The following SLC25A13 variants were observed in gnomAD, a reference collection of about 807,000 sequenced individuals.
The protein encoded by SLC25A13 is electrogenic aspartate/glutamate antiporter SLC25A13, mitochondrial.
SLC25A13 carries 70 observed loss-of-function variants against 85.5 expected under a neutral mutation model. That is an observed-to-expected ratio of 0.82 (90% CI 0.68 to 1.00). The LOEUF (loss-of-function observed/expected upper bound fraction) is 1.00. Among genes scored for constraint, SLC25A13 ranks in the 50% least tolerant of loss-of-function variants. The pLI is 0.00. For synonymous variants in SLC25A13, 259 were observed against 288.7 expected, an observed-to-expected ratio of 0.90 and a Z score of 1.04; for missense variants, 765 against 819.8, an observed-to-expected ratio of 0.93 and a Z score of 0.82.
Position 96,129,159 on chromosome 7 carries a change from G to T in SLC25A13, c.1591+2584C>A, listed in dbSNP as rs1430766994. Among the ~76,000 whole-genome samples the T allele has an allele frequency of 2.0e-5, 3 of 152,122 alleles. 1 individual carries two copies. Among genetic ancestry groups the T allele is most frequent in the Admixed American group, 2.0e-4 (3 of 15,270 alleles). On this transcript the variant is annotated intron_variant, in intron 15 of 17. Transcript: ENST00000265631. ...GCTGCTACTGTGACTGCAACTTCATGATAGACCTGGTGCCAGAGGCACCCA... is the reference window on the plus strand; with the variant it reads ...GCTGCTACTGTGACTGCAACTTCATTATAGACCTGGTGCCAGAGGCACCCA...
At chr7:96,179,578 T>C (rs1794344177) in intron 11 of SLC25A13, among the ~76,000 whole-genome samples, 1 of 152,238 alleles carries the variant, frequency 6.6e-6, no homozygotes, top group Non-Finnish European at 1.5e-5. Flanking sequence ...ACCCAACAAA[T>C]GATCTGTTGA....
chr7:96,321,126 T>C lies in SLC25A13; in HGVS notation c.15+816A>G, dbSNP rs549896110. On this transcript the variant is annotated intron_variant, in intron 1 of 17. Transcript: ENST00000265631. ...GAAATGCAGTCCAAAGAGACTGAAA[T>C]GGTGTCCAGGTTTCAAGAAATGGTG... Among the ~76,000 whole-genome samples the C allele has an allele frequency of 3.3e-5, 5 of 152,312 alleles. No individual in the cohort carries two copies. In the South Asian group the frequency reaches 1.0e-3, roughly 32 times the overall value.
chr7:96,140,560 T>A (rs141158667), intron 14 of SLC25A13, among the ~76,000 whole-genome samples: 1,936 of 151,262 alleles, frequency 0.013, 36 homozygotes, highest in African/African-American at 0.044. Flanking sequence ...ACGTCCACCA[T>A]ACCCGGCTAA....
At chr7:96,203,414 A>G (rs968545008) in intron 5 of SLC25A13, among the ~76,000 whole-genome samples, 2 of 152,190 alleles carry the variant, frequency 1.3e-5, no homozygotes, top group African/African-American at 4.8e-5. Flanking sequence ...AAAAACTGCC[A>G]GAGATTTAGA....
intron 2 of SLC25A13, among the ~76,000 whole-genome samples, chr7:96,291,123 A>T (rs1462240631): frequency 6.6e-6 from 1 of 152,138 alleles, no homozygotes; most frequent in African/African-American, 2.4e-5. Flanking sequence ...GGATTAAGAA[A>T]CTCACTCAAA....
intron 1 of SLC25A13, among the ~76,000 whole-genome samples, chr7:96,297,839 A>T (rs1281437448): frequency 6.6e-6 from 1 of 152,222 alleles, no homozygotes; most frequent in Non-Finnish European, 1.5e-5. Context: ...TTAGAAATAC[A>T]AGTGGCTGTG....
intron 1 of SLC25A13, among the ~76,000 whole-genome samples, chr7:96,299,939 T>C (rs1799491118): frequency 6.6e-6 from 1 of 152,162 alleles, no homozygotes; most frequent in Non-Finnish European, 1.5e-5. Context: ...AGATAAAAAG[T>C]GGAACACCTG....
intron 7 of SLC25A13, among the ~76,000 whole-genome samples, chr7:96,190,567 T>C (rs1794808502): frequency 6.6e-6 from 1 of 152,124 alleles, no homozygotes; most frequent in Non-Finnish European, 1.5e-5. Flanking sequence ...TTAAGAAACT[T>C]TACATGTTTT....
In SLC25A13 at chr7:96,120,548, A is replaced by G; in HGVS notation, c.*643T>C. On this transcript the variant is annotated 3_prime_UTR_variant, in exon 18 of 18. Transcript: ENST00000265631. ...TCTGTCTGTACAGTAAAATGCCAAAAGTACTTCCCTAAAGTACAAAGGCAT... is the reference window on the plus strand; with the variant it reads ...TCTGTCTGTACAGTAAAATGCCAAAGGTACTTCCCTAAAGTACAAAGGCAT... 2.2e-6 allele frequency: 1 copy of G among 454,548 alleles called. No homozygotes were observed. The highest frequency in any genetic ancestry group is 4.4e-6 in the Non-Finnish European group (1 of 226,790). 28.2% of individuals were successfully genotyped at this position (454,548 alleles called of 1,614,324 possible).
intron 2 of SLC25A13, among the ~76,000 whole-genome samples, chr7:96,294,227 CAAT>C (rs897867479): frequency 2.9e-5 from 4 of 139,090 alleles, no homozygotes; most frequent in Non-Finnish European, 6.1e-5. Context: ...GGGAATTGAA[CAAT>C]GAGAACACTT....
At chr7:96,172,461 G>A (rs1794041795) in intron 11 of SLC25A13, among the ~76,000 whole-genome samples, 1 of 151,854 alleles carries the variant, frequency 6.6e-6, no homozygotes, top group South Asian at 2.1e-4. Context: ...GGGAGGCCAA[G>A]ACAGGAGAAT....
intron 13 of SLC25A13, among the ~76,000 whole-genome samples, chr7:96,162,745 A>G (rs1793561465): frequency 6.6e-6 from 1 of 152,202 alleles, no homozygotes; most frequent in African/African-American, 2.4e-5. Flanking sequence ...GGATTAGAAT[A>G]GTCAAAAGAT....
At chr7:96,312,928 C>T (rs1799999727) in intron 1 of SLC25A13, among the ~76,000 whole-genome samples, 1 of 152,208 alleles carries the variant, frequency 6.6e-6, no homozygotes, top group Non-Finnish European at 1.5e-5. Context: ...TCTTTTGCCA[C>T]ATCCAATTCA....
intron 13 of SLC25A13, among the ~76,000 whole-genome samples, chr7:96,150,703 T>C (rs973819368): frequency 1.3e-5 from 2 of 152,072 alleles, no homozygotes; most frequent in African/African-American, 4.8e-5. Flanking sequence ...AAAGCGGCTA[T>C]CTACAAGCCA....
chr7:96,319,757 T>C (rs1032091034), intron 1 of SLC25A13, among the ~76,000 whole-genome samples: 9 of 152,184 alleles, frequency 5.9e-5, no homozygotes, highest in African/African-American at 2.2e-4. Flanking sequence ...GATTTTTATA[T>C]ATCTTATTGG....
intron 3 of SLC25A13, among the ~76,000 whole-genome samples, chr7:96,237,405 C>T (rs939057028): frequency 6.6e-6 from 1 of 152,162 alleles, no homozygotes; most frequent in South Asian, 2.1e-4. Flanking sequence ...GTAGGAGTTA[C>T]CAATTCTCCA....
intron 1 of SLC25A13, among the ~76,000 whole-genome samples, chr7:96,300,993 T>C (rs552483510): frequency 2.0e-5 from 3 of 152,382 alleles, no homozygotes; most frequent in South Asian, 2.1e-4. Context: ...CACAACTTAA[T>C]TGAAGACAAT....
chr7:96,279,280 A>T (rs73405020), intron 2 of SLC25A13, among the ~76,000 whole-genome samples: 3,656 of 152,228 alleles, frequency 0.024, 101 homozygotes, highest in African/African-American at 0.064. Context: ...AGTGTATAGA[A>T]TTTTTTTCTC....
chr7:96,313,087 G>A (rs1381215483), intron 1 of SLC25A13, among the ~76,000 whole-genome samples: 5 of 152,226 alleles, frequency 3.3e-5, no homozygotes, highest in Non-Finnish European at 7.3e-5. Context: ...TAGGTCAGCA[G>A]AGTTTGAAAT....
Sources: gnomAD v4.1 joint callset for allele counts (sites outside exome capture counted in the v4.1 genomes callset) on GRCh38, gnomAD v4.1.1 for gene constraint, MANE v1.5 for transcripts, NCBI Gene and HGNC (gene_info 2026-07-23, HGNC 2026-07-21) for gene names.